KCNIP1: variants seen among roughly 807,000 people sequenced by gnomAD.
KCNIP1 encodes A-type potassium channel modulatory protein KCNIP1.
Under a neutral mutation model 33.0 loss-of-function variants are expected in KCNIP1, and 18 were observed. The ratio of observed to expected loss-of-function variants is 0.55; its 90% CI spans 0.38 to 0.81. The LOEUF (loss-of-function observed/expected upper bound fraction) is 0.81, where lower values mean the gene tolerates loss of function less well. KCNIP1 is among the 30% of genes least tolerant of loss of function. The pLI is 0.00. For synonymous variants in KCNIP1, 93 were observed against 98.3 expected (o/e 0.95, Z 0.32); for missense variants, 238 against 271.6 (o/e 0.88, Z 0.87).
At chr5:170,654,688 G>A (rs1273625901) in intron 1 of KCNIP1, among the ~76,000 whole-genome samples, 1 of 152,186 alleles carries the variant, frequency 6.6e-6, no homozygotes, top group Non-Finnish European at 1.5e-5. Context: ...AAATCCACCT[G>A]TGGGTAAATT....
intron 5 of KCNIP1, among the ~76,000 whole-genome samples, chr5:170,725,593 C>A (rs1763980947): frequency 6.6e-6 from 1 of 152,040 alleles, no homozygotes; most frequent in Non-Finnish European, 1.5e-5. Context: ...TGAATAAGGC[C>A]TGGTATTTGG....
intron 1 of KCNIP1, among the ~76,000 whole-genome samples, chr5:170,469,442 G>A (rs1355311660): frequency 1.3e-5 from 2 of 152,190 alleles, no homozygotes; most frequent in Non-Finnish European, 2.9e-5. Context: ...ACATGTTCAT[G>A]TTTCCCATAA....
intron 1 of KCNIP1, among the ~76,000 whole-genome samples, chr5:170,688,183 C>T (rs1030827403): frequency 5.9e-5 from 9 of 152,128 alleles, no homozygotes; most frequent in Non-Finnish European, 1.5e-5. Context: ...AGCCACTTAC[C>T]TAGGAAGGGC....
At chr5:170,705,916 TGCATGTAGA>T (rs1407773819) in intron 1 of KCNIP1, among the ~76,000 whole-genome samples, 10 of 152,204 alleles carry the variant, frequency 6.6e-5, no homozygotes, top group African/African-American at 2.4e-4. Flanking sequence ...GCACCTACTA[TGCATGTAGA>T]GCATCTTACA....
chr5:170,362,754 G>T (rs771433303), intron 1 of KCNIP1, among the ~76,000 whole-genome samples: 13 of 152,188 alleles, frequency 8.5e-5, no homozygotes, highest in Non-Finnish European at 1.5e-4. Flanking sequence ...AGAAGCTGGG[G>T]TTAGCCTAAT....
intron 1 of KCNIP1, among the ~76,000 whole-genome samples, chr5:170,677,421 T>A (rs1343001768): frequency 6.6e-6 from 1 of 152,218 alleles, no homozygotes; most frequent in Non-Finnish European, 1.5e-5. Flanking sequence ...AACAACCCTA[T>A]GCTATGGGTA....
chr5:170,371,924 C>T (rs1763856659), intron 1 of KCNIP1, among the ~76,000 whole-genome samples: 1 of 152,186 alleles, frequency 6.6e-6, no homozygotes, highest in Non-Finnish European at 1.5e-5. Flanking sequence ...TTCTTCCCCC[C>T]TACTGATACC....
intron 1 of KCNIP1, among the ~76,000 whole-genome samples, chr5:170,601,823 T>C (rs896679166): frequency 2.6e-5 from 4 of 152,224 alleles, no homozygotes; most frequent in Admixed American, 2.6e-4. Flanking sequence ...TGGCGGTGGC[T>C]GCTGCCTGCG....
At chr5:170,572,267 TAAAC>T (rs759606198) in intron 1 of KCNIP1, among the ~76,000 whole-genome samples, 7 of 152,114 alleles carry the variant, frequency 4.6e-5, no homozygotes, top group Non-Finnish European at 1.0e-4. Flanking sequence ...AAAAACAAAA[TAAAC>T]AAGCCAAATG....
intron 1 of KCNIP1, among the ~76,000 whole-genome samples, chr5:170,689,410 A>G (rs369314371): frequency 6.6e-6 from 1 of 152,344 alleles, no homozygotes; most frequent in African/African-American, 2.4e-5. Flanking sequence ...AAACAACTTT[A>G]TGAGGAAGAT....
At chr5:170,731,602 G>A (rs1173067854) in intron 5 of KCNIP1, among the ~76,000 whole-genome samples, 1 of 151,892 alleles carries the variant, frequency 6.6e-6, no homozygotes, top group Non-Finnish European at 1.5e-5. Context: ...GGCTGAGGCG[G>A]GAGGATCACT....
chr5:170,383,192 GT>G lies in KCNIP1; in HGVS notation c.88+29230del, dbSNP rs57984523. The G allele has an allele frequency of 7.0e-3, 1,640 of 232,742 alleles. 31 individuals carry two copies. The highest frequency in any genetic ancestry group is 0.035 in the African/African-American group (1,560 of 44,636). The allele number at this position is 232,742 out of a possible 1,614,324, so 14.4% of individuals were successfully genotyped here. ...ACCATCTAAATGTTTGTTTATGGAGGTTACTCCAGCCCTGAGTCCCTGGTTT... is the reference window on the plus strand; with the variant it reads ...ACCATCTAAATGTTTGTTTATGGAGGTACTCCAGCCCTGAGTCCCTGGTTT... On this transcript the variant is annotated intron_variant, in intron 1 of 7. Transcript: ENST00000377360.
chr5:170,706,457 A>C (rs1420017246), intron 1 of KCNIP1, among the ~76,000 whole-genome samples: 1 of 152,226 alleles, frequency 6.6e-6, no homozygotes, highest in African/African-American at 2.4e-5. Flanking sequence ...AACTGTATCA[A>C]TCAGGCTTTT....
intron 1 of KCNIP1, among the ~76,000 whole-genome samples, chr5:170,638,013 G>C (rs1157970602): frequency 7.3e-6 from 1 of 136,288 alleles, no homozygotes; most frequent in Admixed American, 7.4e-5. Context: ...AGTGAGAGGT[G>C]CCCAAAAAGG....
intron 1 of KCNIP1, among the ~76,000 whole-genome samples, chr5:170,547,134 A>C (rs1306723255): frequency 2.0e-5 from 3 of 152,152 alleles, no homozygotes; most frequent in Non-Finnish European, 2.9e-5. Flanking sequence ...CCTAATTGCT[A>C]TTTATTTGTA....
At chr5:170,721,965 T>C in intron 4 of KCNIP1, 62 bp downstream of exon 4, 1 of 1,581,582 alleles carries the variant, frequency 6.3e-7, no homozygotes, top group Non-Finnish European at 8.7e-7. Flanking sequence ...CCCCTCTAAA[T>C]CTCAAGGCAT....
In KCNIP1 at chr5:170,720,528, C is replaced by G. The variant is rs894055180; in HGVS notation, c.256+138C>G. 7 of 698,508 alleles carry G rather than the reference C, an allele frequency of 1.0e-5. No individual in the cohort carries two copies. In the African/African-American group the frequency reaches 1.2e-4, roughly 12 times the overall value. The allele number at this position is 698,508 out of a possible 1,614,324, so 43.3% of individuals were successfully genotyped here. A position where few individuals can be genotyped will look rare whatever the true frequency, so the allele number is the denominator to read the frequency against. On this transcript the variant is annotated intron_variant, in intron 3 of 7. Transcript: ENST00000328939. ...ACTCAGGGCAGGACACCTCCCTCAT[C>G]GTGAGAGGTGGGAGTCTCCAAAGCT...
intron 1 of KCNIP1, among the ~76,000 whole-genome samples, chr5:170,441,761 C>A (rs981363689): frequency 6.6e-6 from 1 of 152,018 alleles, no homozygotes; most frequent in Admixed American, 6.5e-5. Flanking sequence ...ACCATCCTGG[C>A]CAACACAGTG....
At chr5:170,621,168 G>A (rs1430002288) in intron 1 of KCNIP1, among the ~76,000 whole-genome samples, 1 of 152,228 alleles carries the variant, frequency 6.6e-6, no homozygotes, top group African/African-American at 2.4e-5. Context: ...GCAAAATGGG[G>A]ATACTAAGGG....
Sources: gnomAD v4.1 joint callset for allele counts (sites outside exome capture counted in the v4.1 genomes callset) on GRCh38, gnomAD v4.1.1 for gene constraint, MANE v1.5 for transcripts, NCBI Gene and HGNC (gene_info 2026-07-23, HGNC 2026-07-21) for gene names.